LIN54: variants seen among roughly 807,000 people sequenced by gnomAD.
LIN54 encodes protein lin-54 homolog.
In LIN54, 9 loss-of-function variants were observed where a neutral mutation model predicts 78.7. That is an observed-to-expected ratio of 0.11 (90% CI 0.07 to 0.20). The LOEUF is 0.20. Ranked by LOEUF, LIN54 falls within the 10% of genes least tolerant of loss-of-function variation. The pLI, the probability that LIN54 is intolerant of heterozygous loss-of-function variation, is 1.00. For synonymous variants in LIN54, 269 were observed against 318.4 expected, an observed-to-expected ratio of 0.84 and a Z score of 1.65; for missense variants, 573 against 889.9, an observed-to-expected ratio of 0.64 and a Z score of 4.53.
At chr4:82,987,613 A>G (rs6822163) in intron 1 of LIN54, among the ~76,000 whole-genome samples, 97,264 of 151,660 alleles carry the variant, frequency 0.64, 33,128 homozygotes, top group Admixed American at 0.76. Flanking sequence ...TCCCACTTAT[A>G]AGTGAGAACA....
At chr4:82,929,902 G>A (rs1203599261) in intron 12 of LIN54, among the ~76,000 whole-genome samples, 1 of 152,058 alleles carries the variant, frequency 6.6e-6, no homozygotes, top group Admixed American at 6.6e-5. Flanking sequence ...TTTCAGTTTA[G>A]GCATTTTATT....
chr4:82,938,094 C>A (rs1365627381), intron 8 of LIN54, among the ~76,000 whole-genome samples: 1 of 152,066 alleles, frequency 6.6e-6, no homozygotes, highest in Non-Finnish European at 1.5e-5. Flanking sequence ...GCACTGCACT[C>A]CAGCCTGGGC....
intron 4 of LIN54, among the ~76,000 whole-genome samples, chr4:82,951,317 T>G (rs2126050297): frequency 6.6e-6 from 1 of 152,312 alleles, no homozygotes; most frequent in African/African-American, 2.4e-5. Flanking sequence ...ATTTGCTATT[T>G]TTCCATGGAT....
chr4:82,959,745 T>A (rs1354720202), intron 4 of LIN54, among the ~76,000 whole-genome samples: 1 of 152,160 alleles, frequency 6.6e-6, no homozygotes, highest in African/African-American at 2.4e-5. Context: ...GAGTAAGAAC[T>A]CAGCAACAAT....
rs942869436 is a variant in LIN54, at chr4:83,002,724, G to A, written c.-33+7760C>T. Among the ~76,000 whole-genome samples, 15 of 152,086 alleles carry A rather than the reference G, an allele frequency of 9.9e-5. No homozygotes were observed. In the East Asian group the frequency reaches 2.5e-3, roughly 25 times the overall value. Reference sequence around the variant, plus strand: ...AGTAACTATATTTTCTCCTCCTTACGGTTTTTGTAATAACATTTTTTCTCT... The same window carrying A: ...AGTAACTATATTTTCTCCTCCTTACAGTTTTTGTAATAACATTTTTTCTCT... On this transcript the variant is annotated intron_variant, in intron 1 of 12. Transcript: ENST00000340417.
At chr4:82,935,880 G>T in intron 11 of LIN54, 101 bp downstream of exon 11, 1 of 1,169,356 alleles carries the variant, frequency 8.6e-7, no homozygotes, top group Non-Finnish European at 1.3e-6. Flanking sequence ...TTTTCAAATT[G>T]CAATAGCAAG....
At chr4:82,937,685 G>A (rs1340831205) in intron 8 of LIN54, among the ~76,000 whole-genome samples, 2 of 152,230 alleles carry the variant, frequency 1.3e-5, no homozygotes, top group Admixed American at 1.3e-4. Context: ...ATAAAAAGCA[G>A]TGAGGAAAAG....
intron 7 of LIN54, 56 bp from the exon 8 acceptor site, chr4:82,938,560 C>T: frequency 1.1e-6 from 1 of 927,086 alleles, no homozygotes; most frequent in Non-Finnish European, 1.8e-6. Context: ...ACAATACTGT[C>T]AGGTATGATG....
chr4:82,981,246 T>TCCTGA, intron 2 of LIN54, among the ~76,000 whole-genome samples: 1 of 152,240 alleles, frequency 6.6e-6, no homozygotes, highest in Non-Finnish European at 1.5e-5. Context: ...TAAGGAGTTA[T>TCCTGA]ATTGTTCCAG....
intron 1 of LIN54, among the ~76,000 whole-genome samples, chr4:83,007,583 C>T (rs774396543): frequency 2.6e-5 from 4 of 152,056 alleles, no homozygotes; most frequent in Admixed American, 6.6e-5. Context: ...TGTGGTTTTA[C>T]GGCATCCGAT....
chr4:82,995,253 T>C (rs1323103935), intron 1 of LIN54, among the ~76,000 whole-genome samples: 1 of 151,946 alleles, frequency 6.6e-6, no homozygotes, highest in Non-Finnish European at 1.5e-5. Context: ...TGAGGTATGA[T>C]AGTGCCACTG....
In LIN54 at chr4:83,010,607, C is replaced by A; in HGVS notation, c.-156G>T. On this transcript the variant is annotated 5_prime_UTR_variant, in exon 1 of 13. Coordinates refer to ENST00000340417, the MANE Select transcript of LIN54 (RefSeq NM_194282.4). ...GCACGATAGCTCTGGCCAGCAGCTTCCTTTCCCAGTTTGTCCAAACTGGAG... is the reference window on the plus strand; with the variant it reads ...GCACGATAGCTCTGGCCAGCAGCTTACTTTCCCAGTTTGTCCAAACTGGAG... 1 of 1,228,496 alleles carries A rather than the reference C, an allele frequency of 8.1e-7. No individual in the cohort carries two copies. The highest frequency in any genetic ancestry group is 4.2e-5 in the South Asian group (1 of 24,090). The allele number at this position is 1,228,496 out of a possible 1,614,324, so 76.1% of individuals were successfully genotyped here. A position where few individuals can be genotyped will look rare whatever the true frequency, so the allele number is the denominator to read the frequency against.
intron 1 of LIN54, among the ~76,000 whole-genome samples, chr4:82,991,582 G>C (rs1364692441): frequency 6.6e-6 from 1 of 152,150 alleles, no homozygotes; most frequent in Non-Finnish European, 1.5e-5. Context: ...GGTGACAGCA[G>C]ACATATTTGC....
At chr4:82,959,621 A>T (rs1048050656) in intron 4 of LIN54, among the ~76,000 whole-genome samples, 7 of 152,224 alleles carry the variant, frequency 4.6e-5, no homozygotes, top group African/African-American at 1.7e-4. Context: ...CAATGGAAAT[A>T]ACAATTTGTA....
intron 11 of LIN54, among the ~76,000 whole-genome samples, chr4:82,935,376 C>A (rs1722318808): frequency 6.6e-6 from 1 of 151,630 alleles, no homozygotes; most frequent in Non-Finnish European, 1.5e-5. Flanking sequence ...GCAATCTCCA[C>A]CTCCTGGGTT....
intron 1 of LIN54, among the ~76,000 whole-genome samples, chr4:82,987,412 CAAA>C (rs1484719077): frequency 6.6e-6 from 1 of 151,904 alleles, no homozygotes; most frequent in Non-Finnish European, 1.5e-5. Context: ...AAGAAAAAAA[CAAA>C]AAACAAAAAA....
At chr4:82,948,144 C>T (rs1024225524) in intron 4 of LIN54, among the ~76,000 whole-genome samples, 1 of 151,992 alleles carries the variant, frequency 6.6e-6, no homozygotes, top group African/African-American at 2.4e-5. Flanking sequence ...ACCTACGAGA[C>T]AAGTACATAC....
At chr4:82,991,452 TATAA>T (rs1234177386) in intron 1 of LIN54, among the ~76,000 whole-genome samples, 1 of 152,220 alleles carries the variant, frequency 6.6e-6, no homozygotes, top group Non-Finnish European at 1.5e-5. Flanking sequence ...TAAGATTTTC[TATAA>T]ATACAGTCCA....
intron 12 of LIN54, among the ~76,000 whole-genome samples, chr4:82,930,583 T>A (rs1431498836): frequency 6.6e-6 from 1 of 152,078 alleles, no homozygotes; most frequent in African/African-American, 2.4e-5. Context: ...GGAAAAGTGC[T>A]CCAAGAAATG....
Sources: allele counts gnomAD v4.1 joint callset (sites outside exome capture counted in the v4.1 genomes callset), GRCh38; gene constraint gnomAD v4.1.1; transcripts MANE v1.5; gene names NCBI Gene and HGNC (gene_info 2026-07-23, HGNC 2026-07-21).